The following MCF2L2 variants were observed in gnomAD, a reference collection of about 807,000 sequenced individuals.
MCF2L2 encodes the protein MCF.2 cell line derived transforming sequence-like 2, also known as probable guanine nucleotide exchange factor MCF2L2.
MCF2L2 carries 102 observed loss-of-function variants against 150.2 expected under a neutral mutation model. That is an observed-to-expected ratio of 0.68 (90% CI 0.58 to 0.80). MCF2L2 has a LOEUF of 0.80. Among genes scored for constraint, MCF2L2 ranks in the 30% least tolerant of loss-of-function variants. The pLI, the probability that MCF2L2 is intolerant of heterozygous loss-of-function variation, is 0.00. For synonymous variants in MCF2L2, 465 were observed against 491.3 expected (o/e 0.95, Z 0.71); for missense variants, 1,256 against 1,372.8 (o/e 0.91, Z 1.34).
At chr3:183,320,332 G>A (rs1459084825) in intron 6 of MCF2L2, among the ~76,000 whole-genome samples, 2 of 152,038 alleles carry the variant, frequency 1.3e-5, no homozygotes, top group African/African-American at 4.8e-5. Context: ...GACCTCAGGT[G>A]ATCTGCCCAC....
intron 13 of MCF2L2, among the ~76,000 whole-genome samples, chr3:183,292,174 G>C (rs1437579022): frequency 1.3e-5 from 2 of 152,066 alleles, no homozygotes; most frequent in African/African-American, 4.8e-5. Context: ...TAGGATACAT[G>C]GTGGAAGACA....
At chr3:183,226,342 G>C (rs1458712119) in intron 18 of MCF2L2, 3 of 152,260 alleles carry the variant, frequency 2.0e-5, no homozygotes, top group Middle Eastern at 6.8e-3. Context: ...ACGAGGGAGG[G>C]TGAGGCAGGA....
Position 183,343,066 on chromosome 3 carries a change from G to A in MCF2L2, c.276-1436C>T, listed in dbSNP as rs1730764371. On this transcript the variant is annotated intron_variant, in intron 3 of 29. Transcript: ENST00000328913. ...AAGGACATTTCCAGACAATAGAGGT[G>A]AGAGAATGTATTGTCATTAGATATA... is the stretch of plus-strand genomic sequence containing the variant. Among the ~76,000 whole-genome samples, 4 of 152,274 alleles carry A rather than the reference G, an allele frequency of 2.6e-5. No individual in the cohort carries two copies. The South Asian group carries it at 8.3e-4, about 32-fold the overall frequency.
In MCF2L2 at chr3:183,270,092, T is replaced by C; in HGVS notation, c.1862+6780A>G. ...TTTTACTGTTTGTAAAAACTGCTCC[T>C]GAAAACTATGATCGACGTTCCGGAA... is the stretch of plus-strand genomic sequence containing the variant. On this transcript the variant is annotated intron_variant, in intron 15 of 29. Transcript: ENST00000328913. The surrounding 1 kb of genome is among the most constrained non-coding windows in gnomAD (Gnocchi z 4.5). 1.2e-6 allele frequency: 2 copies of C among 1,614,178 alleles called. No homozygotes were observed. The highest frequency in any genetic ancestry group is 1.7e-6 in the Non-Finnish European group (2 of 1,180,040).
At chr3:183,231,700 C>G (rs1723567005) in intron 15 of MCF2L2, among the ~76,000 whole-genome samples, 1 of 151,928 alleles carries the variant, frequency 6.6e-6, no homozygotes, top group Non-Finnish European at 1.5e-5. Context: ...TTCAAGCAAT[C>G]CTCCTGCCTT....
chr3:183,258,851 A>G (rs1172083768), intron 15 of MCF2L2, among the ~76,000 whole-genome samples: 2 of 152,074 alleles, frequency 1.3e-5, no homozygotes, highest in African/African-American at 4.8e-5. Context: ...CCGCCTCCCA[A>G]GTAGTTGGGA....
intron 7 of MCF2L2, among the ~76,000 whole-genome samples, chr3:183,316,650 C>T (rs770243255): frequency 6.7e-6 from 1 of 150,084 alleles, no homozygotes; most frequent in Non-Finnish European, 1.5e-5. Flanking sequence ...CAGCCCATTC[C>T]AGATATTTTG....
At chr3:183,303,050 C>T (rs1728931755) in intron 10 of MCF2L2, among the ~76,000 whole-genome samples, 1 of 151,900 alleles carries the variant, frequency 6.6e-6, no homozygotes, top group Non-Finnish European at 1.5e-5. Context: ...AAAAATTAGC[C>T]AGGCATGGTG....
intron 3 of MCF2L2, among the ~76,000 whole-genome samples, chr3:183,366,537 C>T (rs1017707056): frequency 3.1e-4 from 47 of 151,982 alleles, no homozygotes; most frequent in African/African-American, 1.1e-3. Context: ...CCCAGCTACG[C>T]GAGAGGCTGA....
chr3:183,315,138 T>C lies in MCF2L2; in HGVS notation c.753+2930A>G, dbSNP rs998811541. On this transcript the variant is annotated intron_variant, in intron 7 of 29. Coordinates refer to ENST00000328913, the MANE Select transcript of MCF2L2 (RefSeq NM_015078.4). ...TTTTAGTAGAGATGGGGTTTCACCATGTTGGCCAGGCTCGTCTCGAACTCC... is the reference window on the plus strand; with the variant it reads ...TTTTAGTAGAGATGGGGTTTCACCACGTTGGCCAGGCTCGTCTCGAACTCC... Among the ~76,000 whole-genome samples the C allele has an allele frequency of 2.6e-5, 4 of 151,074 alleles. No individual in the cohort carries two copies. The East Asian group carries it at 8.0e-4, about 30-fold the overall frequency.
intron 2 of MCF2L2, among the ~76,000 whole-genome samples, chr3:183,380,042 G>T (rs1252902725): frequency 2.0e-5 from 3 of 152,092 alleles, no homozygotes; most frequent in Non-Finnish European, 4.4e-5. Flanking sequence ...TGGTGACCAT[G>T]ATTATAATTA....
intron 5 of MCF2L2, among the ~76,000 whole-genome samples, chr3:183,336,068 T>A (rs2108535359): frequency 6.6e-6 from 1 of 152,360 alleles, no homozygotes; most frequent in Middle Eastern, 3.4e-3. Context: ...CCTCCAGAAC[T>A]GTGACAAATA....
At chr3:183,344,231 C>A (rs1435535766) in intron 3 of MCF2L2, among the ~76,000 whole-genome samples, 14 of 151,968 alleles carry the variant, frequency 9.2e-5, no homozygotes, top group Non-Finnish European at 2.1e-4. Context: ...AAATTAATCC[C>A]AGGTAGATTG....
At position 183,187,593 on chromosome 3, in the gene MCF2L2, C is replaced by T. The variant is rs557145476; in HGVS notation, c.3016+5406G>A. ...AAGTGATTCTCCTGCCTCAGCCTCC[C>T]GAGTAGCTGGGACGACAGGCATGCG... On this transcript the variant is annotated intron_variant, in intron 27 of 29. Coordinates refer to ENST00000328913, the MANE Select transcript of MCF2L2 (RefSeq NM_015078.4). Among the ~76,000 whole-genome samples, 111 of 152,244 alleles carry T rather than the reference C, an allele frequency of 7.3e-4. 1 individual carries two copies. Among genetic ancestry groups the T allele is most frequent in the South Asian group, 2.1e-3 (10 of 4,822 alleles).
intron 7 of MCF2L2, among the ~76,000 whole-genome samples, chr3:183,314,441 C>T (rs1729513845): frequency 6.6e-6 from 1 of 152,034 alleles, no homozygotes; most frequent in African/African-American, 2.4e-5. Context: ...TTATTTTGAA[C>T]AAAATAGTAA....
At chr3:183,316,998 C>T (rs542205162) in intron 7 of MCF2L2, among the ~76,000 whole-genome samples, 8 of 152,254 alleles carry the variant, frequency 5.3e-5, no homozygotes, top group African/African-American at 1.4e-4. Context: ...GAACCAACTA[C>T]GCCCGGCCAT....
chr3:183,409,526 A>C (rs1179277467), intron 1 of MCF2L2, among the ~76,000 whole-genome samples: 1 of 151,784 alleles, frequency 6.6e-6, no homozygotes, highest in Admixed American at 6.6e-5. Flanking sequence ...ACTAAAAGGC[A>C]GGAAATAAAT....
chr3:183,197,179 A>G lies in MCF2L2; in HGVS notation c.2885-1924T>C, dbSNP rs1473025162. 6.6e-6 allele frequency among the ~76,000 whole-genome samples: 1 copy of G among 152,206 alleles called. No homozygotes were observed. Among genetic ancestry groups the G allele is most frequent in the Non-Finnish European group, 1.5e-5 (1 of 68,032 alleles). The stretch of plus-strand genomic sequence containing the variant: ...ACACAGAATAATCAAAACAACTTTA[A>G]AAAGGAAGAACAAAATTATAGGACT... On this transcript the variant is annotated intron_variant, in intron 25 of 29. Coordinates refer to ENST00000328913, the MANE Select transcript of MCF2L2 (RefSeq NM_015078.4). This position sits in a 1 kb window ranked among gnomAD's most constrained non-coding sequence, Gnocchi z 4.5.
chr3:183,253,177 G>A (rs1204188684), intron 15 of MCF2L2: 1 of 45,202 alleles, frequency 2.2e-5, no homozygotes, highest in Non-Finnish European at 4.2e-5. Context: ...GGCCGGGCTC[G>A]GGCCGTGACG....
Sources: gnomAD v4.1 joint callset for allele counts (sites outside exome capture counted in the v4.1 genomes callset) on GRCh38, gnomAD v4.1.1 for gene constraint, Gnocchi (gnomAD v3.1) non-coding constraint, MANE v1.5 for transcripts, NCBI Gene and HGNC (gene_info 2026-07-23, HGNC 2026-07-21) for gene names.